ST8SIA6: variants seen among roughly 807,000 people sequenced by gnomAD.
The protein encoded by ST8SIA6 is alpha-2,8-sialyltransferase 8F.
A neutral mutation model predicts 33.6 loss-of-function variants in ST8SIA6; 39 were observed. The ratio of observed to expected loss-of-function variants is 1.16; its 90% CI spans 0.90 to 1.52. The LOEUF (loss-of-function observed/expected upper bound fraction) is 1.52. ST8SIA6 is among the 40% of genes most tolerant of loss of function. The pLI, the probability that ST8SIA6 is intolerant of heterozygous loss-of-function variation, is 0.00. For synonymous variants in ST8SIA6, 172 were observed against 167.2 expected (o/e 1.03, Z -0.22); for missense variants, 441 against 443.8 (o/e 0.99, Z 0.06).
intron 3 of ST8SIA6, among the ~76,000 whole-genome samples, chr10:17,380,251 C>A (rs552216331): frequency 7.2e-5 from 11 of 152,258 alleles, no homozygotes; most frequent in African/African-American, 1.9e-4. Context: ...AGAGAGCAGT[C>A]TACAGCTTGA....
chr10:17,322,222 GAAAGAAAGAA>G (rs1392770316), intron 7 of ST8SIA6, among the ~76,000 whole-genome samples: 2 of 124,912 alleles, frequency 1.6e-5, no homozygotes, highest in Middle Eastern at 4.4e-3. Context: ...AGAAAGAAAA[GAAAGAAAGAA>G]AAAGAAAGAG....
chr10:17,394,008 G>T (rs1156237229), intron 2 of ST8SIA6, among the ~76,000 whole-genome samples: 1 of 152,114 alleles, frequency 6.6e-6, no homozygotes, highest in African/African-American at 2.4e-5. Flanking sequence ...ATGCAGGCAG[G>T]ACTGTTAATG....
chr10:17,320,674 G>C lies in ST8SIA6; in HGVS notation c.*204C>G. ...TAAAAATTTGTATGAGTCAGATATGGTGTCCATGTTATAAGGAGAAAAAAT... is the reference window on the plus strand; with the variant it reads ...TAAAAATTTGTATGAGTCAGATATGCTGTCCATGTTATAAGGAGAAAAAAT... On this transcript the variant is annotated 3_prime_UTR_variant, in exon 8 of 8. Coordinates refer to ENST00000377602, the MANE Select transcript of ST8SIA6 (RefSeq NM_001004470.3). 1 of 556,246 alleles carries C rather than the reference G, an allele frequency of 1.8e-6. No homozygotes were observed. The highest frequency in any genetic ancestry group is 3.2e-6 in the Non-Finnish European group (1 of 316,618). The allele number at this position is 556,246 out of a possible 1,614,324, so 34.5% of individuals were successfully genotyped here.
At chr10:17,335,721 AT>A (rs1401573748) in intron 4 of ST8SIA6, among the ~76,000 whole-genome samples, 2 of 152,202 alleles carry the variant, frequency 1.3e-5, no homozygotes, top group Non-Finnish European at 2.9e-5. Flanking sequence ...TTAATTATAC[AT>A]TTAATTTGAT....
intron 2 of ST8SIA6, chr10:17,408,329 T>G (rs1009136494): frequency 1.3e-5 from 2 of 152,552 alleles, no homozygotes; most frequent in Non-Finnish European, 2.9e-5. Context: ...CAGCAAGTTC[T>G]TTTTCTCAAC....
intron 4 of ST8SIA6, among the ~76,000 whole-genome samples, chr10:17,359,282 T>C (rs576151559): frequency 1.3e-5 from 2 of 152,308 alleles, no homozygotes; most frequent in African/African-American, 4.8e-5. Flanking sequence ...CTAAAATCTT[T>C]CTTTTGAATT....
At chr10:17,431,907 G>A (rs890227401) in intron 2 of ST8SIA6, among the ~76,000 whole-genome samples, 1 of 151,012 alleles carries the variant, frequency 6.6e-6, no homozygotes, top group African/African-American at 2.5e-5. Context: ...TATATGTGGT[G>A]TCATATGGTG....
At chr10:17,442,381 C>A (rs7901287) in intron 2 of ST8SIA6, among the ~76,000 whole-genome samples, 3,510 of 152,258 alleles carry the variant, frequency 0.023, 154 homozygotes, top group African/African-American at 0.081. Context: ...TATGTGAACA[C>A]TTTTTAGCTT....
Position 17,343,562 on chromosome 10 carries a change from A to C in ST8SIA6, c.378-12010T>G, listed in dbSNP as rs150368038. Among the ~76,000 whole-genome samples the C allele has an allele frequency of 1.3e-3, 193 of 152,338 alleles. 1 individual carries two copies. The highest frequency in any genetic ancestry group is 2.2e-3 in the Non-Finnish European group (151 of 68,028). ...AAACCAAGGGAAAAGAAGAAGAAAC[A>C]GGTGAACATTGCACAAAACAGAGGA... is the stretch of plus-strand genomic sequence containing the variant. On this transcript the variant is annotated intron_variant, in intron 4 of 7. Transcript: ENST00000377602.
chr10:17,382,299 C>T (rs1015486602), intron 3 of ST8SIA6, among the ~76,000 whole-genome samples: 1 of 151,786 alleles, frequency 6.6e-6, no homozygotes, highest in Non-Finnish European at 1.5e-5. Flanking sequence ...TCTTCTTGCT[C>T]TTATCACCCA....
At chr10:17,432,605 CAA>C (rs1212115502) in intron 2 of ST8SIA6, among the ~76,000 whole-genome samples, 2 of 152,134 alleles carry the variant, frequency 1.3e-5, no homozygotes, top group African/African-American at 4.8e-5. Flanking sequence ...TTCAGCTTTT[CAA>C]AGAGTTGACA....
chr10:17,401,100 A>G (rs1034510168), intron 2 of ST8SIA6, among the ~76,000 whole-genome samples: 5 of 152,188 alleles, frequency 3.3e-5, no homozygotes, highest in Non-Finnish European at 7.3e-5. Flanking sequence ...TACAAAATCA[A>G]TGTGCAAAAA....
intron 2 of ST8SIA6, among the ~76,000 whole-genome samples, chr10:17,417,231 C>A (rs1002343115): frequency 6.6e-6 from 1 of 152,122 alleles, no homozygotes; most frequent in Non-Finnish European, 1.5e-5. Context: ...TCACTCATTA[C>A]TGCCGAGACA....
At chr10:17,405,519 A>G (rs1338319685) in intron 2 of ST8SIA6, among the ~76,000 whole-genome samples, 4 of 150,590 alleles carry the variant, frequency 2.7e-5, no homozygotes, top group Non-Finnish European at 5.9e-5. Flanking sequence ...AGTGATCAAG[A>G]GGATAAACTT....
intron 4 of ST8SIA6, among the ~76,000 whole-genome samples, chr10:17,332,565 G>A (rs1327441341): frequency 1.3e-5 from 2 of 152,016 alleles, no homozygotes; most frequent in African/African-American, 4.8e-5. Context: ...CCTGGGTTCA[G>A]GTGATTCTCC....
chr10:17,346,530 G>T (rs949509383), intron 4 of ST8SIA6, among the ~76,000 whole-genome samples: 8 of 152,122 alleles, frequency 5.3e-5, no homozygotes, highest in Non-Finnish European at 1.2e-4. Context: ...GGAGGTCAAG[G>T]TTGCAGTGAG....
At chr10:17,453,199 A>G (rs1234435620) in intron 2 of ST8SIA6, among the ~76,000 whole-genome samples, 1 of 136,416 alleles carries the variant, frequency 7.3e-6, no homozygotes, top group African/African-American at 2.7e-5. Context: ...AAGCAAACCA[A>G]CCAAATCCCT....
At chr10:17,422,144 C>T (rs372304085) in intron 2 of ST8SIA6, among the ~76,000 whole-genome samples, 17 of 151,812 alleles carry the variant, frequency 1.1e-4, no homozygotes, top group East Asian at 9.6e-4. Flanking sequence ...ATCTTTAAGC[C>T]AATAGAAACA....
At chr10:17,437,667 G>C (rs890077497) in intron 2 of ST8SIA6, among the ~76,000 whole-genome samples, 1 of 87,132 alleles carries the variant, frequency 1.1e-5, no homozygotes, top group South Asian at 3.6e-4. Flanking sequence ...CCTTCCTTCT[G>C]TCTCTCTTTC....
Sources: gnomAD v4.1 joint callset for allele counts (sites outside exome capture counted in the v4.1 genomes callset) on GRCh38, gnomAD v4.1.1 for gene constraint, MANE v1.5 for transcripts, NCBI Gene and HGNC (gene_info 2026-07-23, HGNC 2026-07-21) for gene names.